Variants in NRF1 observed in about 807,000 individuals in gnomAD.
NRF1 encodes nuclear respiratory factor 1, also known as alpha palindromic-binding protein.
A neutral mutation model predicts 58.5 loss-of-function variants in NRF1; 5 were observed. The observed-to-expected ratio is 0.09, with a 90% CI of 0.04 to 0.18. NRF1 has a LOEUF of 0.18. NRF1 is among the 10% of genes least tolerant of loss of function. NRF1 has a pLI of 1.00. For missense variants in NRF1, 288 were observed against 657.7 expected (o/e 0.44, Z 6.15); for synonymous variants, 224 against 246.7 (o/e 0.91, Z 0.86).
intron 1 of NRF1, among the ~76,000 whole-genome samples, chr7:129,647,386 C>CT (rs1801433075): frequency 6.7e-6 from 1 of 148,586 alleles, no homozygotes; most frequent in Non-Finnish European, 1.5e-5. Flanking sequence ...TGTGGTAAAG[C>CT]TTTTTTTTCT....
chr7:129,638,101 T>G (rs1584596404), intron 1 of NRF1, among the ~76,000 whole-genome samples: 1 of 144,918 alleles, frequency 6.9e-6, no homozygotes, highest in African/African-American at 2.5e-5. Context: ...ACTGGCACAG[T>G]TTTTTTTTTT....
intron 5 of NRF1, 113 bp downstream of exon 5, chr7:129,690,659 C>G: frequency 8.9e-7 from 1 of 1,123,370 alleles, no homozygotes; most frequent in African/African-American, 1.5e-5. Context: ...GAGTGAGATG[C>G]TGACTGGAGT....
At chr7:129,650,292 G>C (rs117131680) in intron 1 of NRF1, among the ~76,000 whole-genome samples, 1 of 151,640 alleles carries the variant, frequency 6.6e-6, no homozygotes, top group Admixed American at 6.6e-5. Flanking sequence ...TATTGCCGGC[G>C]CTTTCGTCTT....
chr7:129,679,051 A>T (rs1479702857), intron 4 of NRF1, among the ~76,000 whole-genome samples: 2 of 152,234 alleles, frequency 1.3e-5, no homozygotes, highest in Non-Finnish European at 2.9e-5. Context: ...GAAGAAAAAA[A>T]ACAAAACCAA....
intron 1 of NRF1, among the ~76,000 whole-genome samples, chr7:129,625,744 C>T (rs926084979): frequency 9.2e-5 from 12 of 129,874 alleles, no homozygotes; most frequent in East Asian, 2.4e-4. Flanking sequence ...TGCAGTGGTG[C>T]GATCTCAGCT....
intron 1 of NRF1, among the ~76,000 whole-genome samples, chr7:129,646,104 A>G (rs1218299231): frequency 6.6e-6 from 1 of 152,146 alleles, no homozygotes; most frequent in Non-Finnish European, 1.5e-5. Context: ...CCTGCCTCCC[A>G]AGGTGTTAGG....
rs4439065 is a variant in NRF1, at chr7:129,664,093, C to T, written c.223+6519C>T. 6.6e-3 allele frequency among the ~76,000 whole-genome samples: 997 copies of T among 151,002 alleles called. 5 individuals are homozygous for T. The highest frequency in any genetic ancestry group is 0.013 in the Admixed American group (197 of 15,186). ...GGAGCGGAGATCTTGGCAGTACAGT[C>T]CAGGCTCCCCAAGAGAGGGAGACAG... On this transcript the variant is annotated intron_variant, in intron 2 of 10. Transcript: ENST00000393232.
At chr7:129,623,388 T>G (rs1800846806) in intron 1 of NRF1, among the ~76,000 whole-genome samples, 1 of 152,144 alleles carries the variant, frequency 6.6e-6, no homozygotes, top group Non-Finnish European at 1.5e-5. Flanking sequence ...CTGTTTTTTT[T>G]TTTTTGCATT....
intron 2 of NRF1, 112 bp downstream of exon 2, chr7:129,657,686 T>G: frequency 1.5e-6 from 1 of 677,688 alleles, no homozygotes; most frequent in Non-Finnish European, 2.4e-6. Context: ...CATGATTCAC[T>G]GCAGCCTTGA....
intron 1 of NRF1, among the ~76,000 whole-genome samples, chr7:129,642,063 C>T (rs964766645): frequency 1.3e-5 from 2 of 151,910 alleles, no homozygotes; most frequent in Non-Finnish European, 2.9e-5. Flanking sequence ...ACTGCAACCT[C>T]CGCCTCCCAG....
At chr7:129,629,102 A>C (rs149803364) in intron 1 of NRF1, among the ~76,000 whole-genome samples, 2 of 152,190 alleles carry the variant, frequency 1.3e-5, no homozygotes, top group South Asian at 4.1e-4. Flanking sequence ...AAATATTGTC[A>C]GTTGTTTTCC....
At chr7:129,718,391 G>C (rs1373765361) in intron 9 of NRF1, among the ~76,000 whole-genome samples, 2 of 152,184 alleles carry the variant, frequency 1.3e-5, no homozygotes, top group Non-Finnish European at 2.9e-5. Context: ...TCTTCTAGGA[G>C]TGTTATGAGA....
chr7:129,749,544 A>G (rs182033566), intron 10 of NRF1, among the ~76,000 whole-genome samples: 1 of 152,042 alleles, frequency 6.6e-6, no homozygotes, highest in Admixed American at 6.5e-5. Flanking sequence ...TGACGAGGAA[A>G]TCTTTATGTT....
intron 4 of NRF1, among the ~76,000 whole-genome samples, chr7:129,688,921 T>A (rs770726779): frequency 2.4e-4 from 17 of 69,658 alleles, no homozygotes; most frequent in Non-Finnish European, 4.1e-4. Context: ...ACTAGGCTTA[T>A]AAGATTCATT....
chr7:129,622,987 A>G (rs1448178333), intron 1 of NRF1, among the ~76,000 whole-genome samples: 2 of 152,206 alleles, frequency 1.3e-5, no homozygotes, highest in Admixed American at 1.3e-4. Flanking sequence ...GTTTTAATGA[A>G]ATGTAAAAGA....
intron 1 of NRF1, among the ~76,000 whole-genome samples, chr7:129,618,500 G>T (rs962183208): frequency 6.6e-6 from 1 of 152,206 alleles, no homozygotes; most frequent in Admixed American, 6.5e-5. Flanking sequence ...TTCAAAACCA[G>T]TCTGGGCAAC....
At chr7:129,653,037 T>C (rs1489626240) in intron 1 of NRF1, among the ~76,000 whole-genome samples, 2 of 152,254 alleles carry the variant, frequency 1.3e-5, no homozygotes, top group Admixed American at 1.3e-4. Context: ...TTCACACTGT[T>C]GTGCAGCCAA....
At chr7:129,723,057 G>A (rs1803365681) in intron 9 of NRF1, among the ~76,000 whole-genome samples, 1 of 152,050 alleles carries the variant, frequency 6.6e-6, no homozygotes, top group African/African-American at 2.4e-5. Flanking sequence ...GTAAATATTT[G>A]TATCATTAAT....
chr7:129,755,390 T>G lies in NRF1; in HGVS notation c.*209T>G. On this transcript the variant is annotated 3_prime_UTR_variant, in exon 11 of 11. Transcript: ENST00000393232. The surrounding 1 kb of genome is among the most constrained non-coding windows in gnomAD (Gnocchi z 5.8). ...TCTGGGATTGGTGAAGAAACTGCAT[T>G]GTCAATTTCACTGTCCCAAAAAAGC... The G allele has an allele frequency of 5.6e-6, 3 of 531,682 alleles. No homozygotes were observed. Among genetic ancestry groups the G allele is most frequent in the Non-Finnish European group, 9.6e-6 (3 of 313,340 alleles). 32.9% of individuals were successfully genotyped at this position (531,682 alleles called of 1,614,324 possible). A position where few individuals can be genotyped will look rare whatever the true frequency, so the allele number is the denominator to read the frequency against.
Sources: gnomAD v4.1 joint callset for allele counts (sites outside exome capture counted in the v4.1 genomes callset) on GRCh38, gnomAD v4.1.1 for gene constraint, Gnocchi (gnomAD v3.1) non-coding constraint, MANE v1.5 for transcripts, NCBI Gene and HGNC (gene_info 2026-07-23, HGNC 2026-07-21) for gene names.